The following PCDHGB2 variants were observed in gnomAD, a reference collection of about 807,000 sequenced individuals.
The protein encoded by PCDHGB2 is protocadherin gamma subfamily B, 2.
In PCDHGB2, 55 loss-of-function variants were observed where a neutral mutation model predicts 59.3. The observed-to-expected ratio is 0.93, with a 90% confidence interval of 0.75 to 1.16. The LOEUF (loss-of-function observed/expected upper bound fraction) is 1.16. PCDHGB2 is among the 50% of genes most tolerant of loss of function. The pLI is 0.00. For synonymous variants in PCDHGB2, 516 were observed against 512.0 expected, an observed-to-expected ratio of 1.01 and a Z score of -0.11; for missense variants, 1,228 against 1,198.5, an observed-to-expected ratio of 1.02 and a Z score of -0.36.
intron 1 of PCDHGB2, among the ~76,000 whole-genome samples, chr5:141,406,933 T>C (rs1034700573): frequency 6.6e-6 from 1 of 152,218 alleles, no homozygotes; most frequent in African/African-American, 2.4e-5. Flanking sequence ...ATGTATTATT[T>C]AATGTTATTT....
chr5:141,361,429 C>T lies in PCDHGB2; in HGVS notation c.1294C>T (p.Leu432Phe), dbSNP rs1762019360. 6.2e-7 allele frequency: 1 copy of T among 1,614,066 alleles called. No individual in the cohort carries two copies. Residue 432 changes from leucine to phenylalanine, a missense_variant, in exon 1 of 4, where the codon CTC becomes TTC. Transcript: ENST00000522605. Reference sequence around the variant, plus strand: ...AGCCACCGACGGGGGCAAGCCGCCCCTCTCCTCCAGCATAATTGTCACCCT... The same window carrying T: ...AGCCACCGACGGGGGCAAGCCGCCCTTCTCCTCCAGCATAATTGTCACCCT... ...ITATDGGKPPLSSSIIVTLHI... is the reference protein window; with the variant it reads ...ITATDGGKPPFSSSIIVTLHI...
At chr5:141,377,297 C>T (rs566234622) in intron 1 of PCDHGB2, 1 of 151,972 alleles carries the variant, frequency 6.6e-6, no homozygotes, top group Non-Finnish European at 1.5e-5. Context: ...TAATTTAGGT[C>T]AGTGTTAAAG....
At chr5:141,385,055 G>A (rs773905363) in intron 1 of PCDHGB2, 3 of 1,614,182 alleles carry the variant, frequency 1.9e-6, no homozygotes, top group South Asian at 1.1e-5. Context: ...CTGCGGCGCT[G>A]GCACAAGTCA....
intron 1 of PCDHGB2, among the ~76,000 whole-genome samples, chr5:141,429,774 G>A (rs1175985162): frequency 6.6e-6 from 1 of 152,070 alleles, no homozygotes; most frequent in Non-Finnish European, 1.5e-5. Context: ...ATTTTGATGG[G>A]CTTCCAAAAG....
intron 1 of PCDHGB2, chr5:141,376,469 G>A: frequency 6.2e-7 from 1 of 1,614,186 alleles, no homozygotes; most frequent in Non-Finnish European, 8.5e-7. Flanking sequence ...GATAACTCAG[G>A]ATTTACTTGA....
intron 1 of PCDHGB2, chr5:141,409,914 G>C: frequency 6.2e-7 from 1 of 1,613,348 alleles, no homozygotes; most frequent in East Asian, 2.2e-5. Context: ...GGTCCTGACG[G>C]CTCCGCGTTC....
intron 1 of PCDHGB2, chr5:141,378,196 A>C (rs1197830416): frequency 6.6e-6 from 1 of 152,188 alleles, no homozygotes; most frequent in Non-Finnish European, 1.5e-5. Flanking sequence ...TGCCTACTAC[A>C]GTGTCTTTTG....
chr5:141,389,293 C>T, intron 1 of PCDHGB2: 3 of 1,614,036 alleles, frequency 1.9e-6, no homozygotes, highest in Non-Finnish European at 2.5e-6. Context: ...GCCTCTATTT[C>T]ACAAGTCAGG....
In PCDHGB2 at chr5:141,486,858, C is replaced by T. The variant is rs2099636039; in HGVS notation, c.2422-7949C>T. The T allele has an allele frequency of 2.5e-6, 4 of 1,614,246 alleles. No homozygotes were observed. The highest frequency in any genetic ancestry group is 1.1e-5 in the South Asian group (1 of 91,088). On this transcript the variant is annotated intron_variant, in intron 1 of 3. Transcript: ENST00000522605. The surrounding 1 kb of genome is among the most constrained non-coding windows in gnomAD (Gnocchi z 5.0). ...TTTGTGCTGGACCTCAATGACAATGCTCCAGCTGTGCTCCGTCCTCGGGCC... is the reference window on the plus strand; with the variant it reads ...TTTGTGCTGGACCTCAATGACAATGTTCCAGCTGTGCTCCGTCCTCGGGCC...
intron 1 of PCDHGB2, among the ~76,000 whole-genome samples, chr5:141,438,593 T>C (rs982159150): frequency 4.1e-5 from 3 of 73,984 alleles, no homozygotes; most frequent in Non-Finnish European, 5.5e-5. Flanking sequence ...CATACATACA[T>C]ATATATATAT....
chr5:141,410,086 G>C (rs759204005), intron 1 of PCDHGB2: 1 of 1,612,588 alleles, frequency 6.2e-7, no homozygotes, highest in Non-Finnish European at 8.5e-7. Flanking sequence ...AGGTGCGCAC[G>C]GCTCGAGCCT....
intron 1 of PCDHGB2, chr5:141,422,878 C>T: frequency 6.2e-7 from 1 of 1,614,264 alleles, no homozygotes; most frequent in African/African-American, 1.3e-5. Flanking sequence ...GTCGCTGAGC[C>T]TGTTCGTGCT....
intron 1 of PCDHGB2, chr5:141,416,902 C>T (rs1364019748): frequency 1.3e-5 from 2 of 152,020 alleles, no homozygotes; most frequent in Non-Finnish European, 2.9e-5. Flanking sequence ...GGAAGGAAAG[C>T]ACACTCTTTA....
At chr5:141,418,755 G>A (rs1489556538) in intron 1 of PCDHGB2, 8 of 1,613,898 alleles carry the variant, frequency 5.0e-6, no homozygotes, top group South Asian at 1.1e-5. Context: ...TACACTACAG[G>A]AAACATTCTA....
At chr5:141,454,721 A>G (rs2098797156) in intron 1 of PCDHGB2, among the ~76,000 whole-genome samples, 1 of 146,810 alleles carries the variant, frequency 6.8e-6, no homozygotes, top group South Asian at 2.2e-4. Flanking sequence ...ATTCCATATT[A>G]TATGTTATAG....
rs2154581798 is a variant in PCDHGB2, at chr5:141,489,799, G to T, written c.2422-5008G>T. 1 of 1,614,192 alleles carries T rather than the reference G, an allele frequency of 6.2e-7. No homozygotes were observed. The highest frequency in any genetic ancestry group is 2.2e-5 in the East Asian group (1 of 44,884). On this transcript the variant is annotated intron_variant, in intron 1 of 3. Coordinates refer to ENST00000522605, the MANE Select transcript of PCDHGB2 (RefSeq NM_018923.3). The surrounding 1 kb of genome is among the most constrained non-coding windows in gnomAD (Gnocchi z 4.5). Reference sequence around the variant, plus strand: ...CTCTCTGAATGTGAAGACCCTAAAAGATGGGAAGCCATTCCCAGAGCTGGT... The same window carrying T: ...CTCTCTGAATGTGAAGACCCTAAAATATGGGAAGCCATTCCCAGAGCTGGT...
Position 141,489,699 on chromosome 5 carries a change from A to G in PCDHGB2, c.2422-5108A>G. ...CAGCAGCATCTGGGGCACGATTCCC[A>G]CTGGACAGTGCCCAGGATCCGGATG... is the stretch of plus-strand genomic sequence containing the variant. On this transcript the variant is annotated intron_variant, in intron 1 of 3. Transcript: ENST00000522605. The surrounding 1 kb of genome is among the most constrained non-coding windows in gnomAD (Gnocchi z 4.5). The G allele has an allele frequency of 6.2e-7, 1 of 1,614,102 alleles. No homozygotes were observed. The highest frequency in any genetic ancestry group is 8.5e-7 in the Non-Finnish European group (1 of 1,179,956).
rs181400389 is a variant in PCDHGB2, at chr5:141,360,129, C to T, written c.-7C>T. The T allele has an allele frequency of 2.6e-4, 413 of 1,586,318 alleles. 2 individuals are homozygous for T. The Admixed American group carries it at 6.4e-3, about 25-fold the overall frequency. On this transcript the variant is annotated 5_prime_UTR_variant, in exon 1 of 4. Coordinates refer to ENST00000522605, the MANE Select transcript of PCDHGB2 (RefSeq NM_018923.3). ...CCTATGGGCAAAGGAGCAAAGGGAGCCAGAAGATGAAAGCGAGCTCAGGGA... is the reference window on the plus strand; with the variant it reads ...CCTATGGGCAAAGGAGCAAAGGGAGTCAGAAGATGAAAGCGAGCTCAGGGA...
chr5:141,443,163 T>C (rs1054542792), intron 1 of PCDHGB2, among the ~76,000 whole-genome samples: 3 of 152,172 alleles, frequency 2.0e-5, no homozygotes, highest in Non-Finnish European at 4.4e-5. Context: ...TTTATTTCCC[T>C]ACCCATGTCC....
Sources: gnomAD v4.1 joint callset for allele counts (sites outside exome capture counted in the v4.1 genomes callset) on GRCh38, gnomAD v4.1.1 for gene constraint, Gnocchi (gnomAD v3.1) non-coding constraint, MANE v1.5 for transcripts, NCBI Gene and HGNC (gene_info 2026-07-23, HGNC 2026-07-21) for gene names.